PDE4D: variants seen among roughly 807,000 people sequenced by gnomAD.
PDE4D encodes the protein 3',5'-cyclic-AMP phosphodiesterase 4D.
A neutral mutation model predicts 87.4 loss-of-function variants in PDE4D; 24 were observed. That is an observed-to-expected ratio of 0.27 (90% CI 0.20 to 0.39). The LOEUF is 0.39. Among genes scored for constraint, PDE4D ranks in the 10% least tolerant of loss-of-function variants. The pLI, the probability that PDE4D is intolerant of heterozygous loss-of-function variation, is 1.00. For synonymous variants in PDE4D, 384 were observed against 383.2 expected (o/e 1.00, Z -0.02); for missense variants, 714 against 1,041.0 (o/e 0.69, Z 4.32).
chr5:60,042,810 C>T (rs1297754132), intron 2 of PDE4D, among the ~76,000 whole-genome samples: 11 of 152,038 alleles, frequency 7.2e-5, no homozygotes, highest in Non-Finnish European at 1.2e-4. Context: ...ACATCAAAGA[C>T]CAAAGGTAGA....
intron 1 of PDE4D, among the ~76,000 whole-genome samples, chr5:59,289,612 T>C (rs1227957554): frequency 6.6e-6 from 1 of 151,994 alleles, no homozygotes; most frequent in Non-Finnish European, 1.5e-5. Context: ...AAGACTCTTC[T>C]TCCAAGAGGT....
intron 5 of PDE4D, among the ~76,000 whole-genome samples, chr5:59,056,864 C>A (rs1762456442): frequency 6.6e-6 from 1 of 152,026 alleles, no homozygotes; most frequent in South Asian, 2.1e-4. Context: ...CTGTGGGAGG[C>A]AAAGGAGAAA....
chr5:58,975,832 T>C lies in PDE4D; in HGVS notation c.1838A>G (p.Gln613Arg). ...DNYSDRIQVLQNMVHCADLSN... is the reference protein window; with the variant it reads ...DNYSDRIQVLRNMVHCADLSN... ...CAGATCTGCACAGTGCACCATATTC[T>C]GAAGAACCTAAAATAGATGGATGCA... Residue 613 changes from glutamine (Q) to arginine (R), a missense_variant, in exon 14 of 15, where the codon CAG (glutamine) becomes CGG (arginine). This residue lies in a region of PDE4D where 97 missense variants were observed against 176.9 expected (regional missense o/e 0.55). Coordinates refer to ENST00000340635, the MANE Select transcript of PDE4D (RefSeq NM_001104631.2). The surrounding 1 kb of genome is among the most constrained non-coding windows in gnomAD (Gnocchi z 4.2). The C allele has an allele frequency of 6.6e-7, 1 of 1,511,490 alleles. No homozygotes were observed. The highest frequency in any genetic ancestry group is 8.9e-7 in the Non-Finnish European group (1 of 1,127,032). 93.6% of individuals were successfully genotyped at this position (1,511,490 alleles called of 1,614,324 possible).
intron 1 of PDE4D, among the ~76,000 whole-genome samples, chr5:59,815,404 G>A (rs1470429444): frequency 2.6e-5 from 4 of 152,214 alleles, no homozygotes; most frequent in Admixed American, 6.5e-5. Flanking sequence ...CCACAGGTAC[G>A]GTGTGGAGGG....
intron 5 of PDE4D, among the ~76,000 whole-genome samples, chr5:59,081,285 G>T (rs908461743): frequency 2.6e-5 from 4 of 152,000 alleles, no homozygotes; most frequent in Non-Finnish European, 4.4e-5. Context: ...GCAGTAACTA[G>T]AATTCGGTTA....
chr5:59,290,484 A>G (rs960700803), intron 1 of PDE4D, among the ~76,000 whole-genome samples: 8 of 152,080 alleles, frequency 5.3e-5, no homozygotes, highest in African/African-American at 1.9e-4. Flanking sequence ...AAAAGAAAAC[A>G]TTGAAGAAAG....
At chr5:59,401,983 C>G (rs1032729344) in intron 1 of PDE4D, among the ~76,000 whole-genome samples, 14 of 152,224 alleles carry the variant, frequency 9.2e-5, no homozygotes, top group Middle Eastern at 3.4e-3. Flanking sequence ...GCCAACCACC[C>G]GAAGGTCAAA....
chr5:59,400,476 T>C (rs1030662081), intron 1 of PDE4D, among the ~76,000 whole-genome samples: 20 of 146,592 alleles, frequency 1.4e-4, no homozygotes, highest in Middle Eastern at 6.9e-3. Flanking sequence ...AGTAAACTAT[T>C]GCAAGAACAA....
intron 1 of PDE4D, among the ~76,000 whole-genome samples, chr5:59,222,159 C>T (rs1379262245): frequency 6.6e-6 from 1 of 152,148 alleles, no homozygotes; most frequent in Non-Finnish European, 1.5e-5. Context: ...CCACACTGTT[C>T]CATTTCAGTG....
chr5:60,346,265 T>C (rs570642393), intron 1 of PDE4D, among the ~76,000 whole-genome samples: 2 of 152,170 alleles, frequency 1.3e-5, no homozygotes, highest in Non-Finnish European at 2.9e-5. Flanking sequence ...GTTCTCCTAG[T>C]GCTGAGTGGC....
chr5:59,925,255 TC>T (rs1344640785), intron 3 of PDE4D, among the ~76,000 whole-genome samples: 1 of 149,922 alleles, frequency 6.7e-6, no homozygotes, highest in African/African-American at 2.5e-5. Flanking sequence ...CTTTTCTCTT[TC>T]CTTGTCTGTT....
intron 1 of PDE4D, among the ~76,000 whole-genome samples, chr5:59,406,383 CT>C (rs1562124744): frequency 7.5e-5 from 7 of 92,754 alleles, no homozygotes; most frequent in Non-Finnish European, 1.4e-4. Flanking sequence ...CTTATCTTTC[CT>C]TATCTTTCCT....
intron 2 of PDE4D, among the ~76,000 whole-genome samples, chr5:60,170,387 A>T (rs1352494006): frequency 6.6e-6 from 1 of 152,032 alleles, no homozygotes; most frequent in African/African-American, 2.4e-5. Context: ...AAAAGGGAAC[A>T]AACTAAAAAA....
intron 1 of PDE4D, among the ~76,000 whole-genome samples, chr5:59,460,656 C>T (rs184411461): frequency 6.6e-6 from 1 of 152,120 alleles, no homozygotes; most frequent in East Asian, 1.9e-4. Context: ...CGGGTGACTG[C>T]CTTTTCCTGG....
chr5:59,328,917 C>T (rs1561967849), intron 1 of PDE4D, among the ~76,000 whole-genome samples: 4 of 152,232 alleles, frequency 2.6e-5, no homozygotes, highest in Non-Finnish European at 5.9e-5. Context: ...TCTGAGCCAA[C>T]TGCAAGCCTG....
chr5:59,881,980 A>G (rs2152746465), intron 1 of PDE4D, among the ~76,000 whole-genome samples: 1 of 152,306 alleles, frequency 6.6e-6, no homozygotes, highest in South Asian at 2.1e-4. Context: ...GACATAAAGA[A>G]GCACATAATT....
intron 1 of PDE4D, among the ~76,000 whole-genome samples, chr5:59,553,556 C>T (rs958721004): frequency 7.2e-5 from 11 of 152,146 alleles, no homozygotes; most frequent in African/African-American, 2.4e-4. Flanking sequence ...CTAACAGAGA[C>T]ACTCCTCAAC....
intron 1 of PDE4D, among the ~76,000 whole-genome samples, chr5:59,852,623 A>C (rs1744849045): frequency 6.6e-6 from 1 of 152,066 alleles, no homozygotes. Context: ...ATAATCACCC[A>C]GCTAAGTTTC....
chr5:60,480,548 C>T (rs538632085), intron 1 of PDE4D, among the ~76,000 whole-genome samples: 1 of 149,104 alleles, frequency 6.7e-6, no homozygotes, highest in Non-Finnish European at 1.5e-5. Context: ...GGGATCTGAA[C>T]CCAGGCAGTC....
Sources: allele counts gnomAD v4.1 joint callset (sites outside exome capture counted in the v4.1 genomes callset), GRCh38; gene constraint gnomAD v4.1.1; regional missense constraint gnomAD v4.1.1; non-coding constraint Gnocchi (gnomAD v3.1); transcripts MANE v1.5; gene names NCBI Gene and HGNC (gene_info 2026-07-23, HGNC 2026-07-21).